LRP1B: variants seen among roughly 807,000 people sequenced by gnomAD.
LRP1B encodes the protein low-density lipoprotein receptor-related protein 1B.
Under a neutral mutation model 556.6 loss-of-function variants are expected in LRP1B, and 217 were observed. The ratio of observed to expected loss-of-function variants is 0.39; its 90% CI spans 0.35 to 0.44. The LOEUF is 0.44. LRP1B is among the 20% of genes least tolerant of loss of function. LRP1B has a pLI of 1.00. For missense variants in LRP1B, 5,053 were observed against 5,620.8 expected (o/e 0.90, Z 3.23); for synonymous variants, 2,047 against 1,865.8 (o/e 1.10, Z -2.50).
chr2:142,088,114 T>C (rs1706014893), intron 1 of LRP1B, among the ~76,000 whole-genome samples: 1 of 152,132 alleles, frequency 6.6e-6, no homozygotes, highest in Non-Finnish European at 1.5e-5. Flanking sequence ...ATATTTTATA[T>C]CTATATATCT....
intron 2 of LRP1B, among the ~76,000 whole-genome samples, chr2:141,585,764 G>C (rs1043956202): frequency 1.3e-5 from 2 of 151,986 alleles, no homozygotes. Flanking sequence ...CCAATATTTA[G>C]AACAAATAAC....
intron 41 of LRP1B, among the ~76,000 whole-genome samples, chr2:140,626,810 C>T (rs1032853413): frequency 1.3e-5 from 2 of 151,402 alleles, no homozygotes; most frequent in African/African-American, 4.8e-5. Context: ...ATAAAGATCT[C>T]CCACAAGTCA....
intron 7 of LRP1B, among the ~76,000 whole-genome samples, chr2:141,134,026 CTT>C (rs1701428396): frequency 6.6e-6 from 1 of 151,900 alleles, no homozygotes; most frequent in African/African-American, 2.4e-5. Context: ...ATCTCTTACT[CTT>C]TTATTTCCTT....
chr2:141,692,215 A>G (rs1384088492), intron 2 of LRP1B, among the ~76,000 whole-genome samples: 1 of 152,040 alleles, frequency 6.6e-6, no homozygotes, highest in Non-Finnish European at 1.5e-5. Flanking sequence ...ACTCCTCTAC[A>G]TAAAATCATT....
chr2:141,997,648 C>CATATATATAT (rs138886100), intron 1 of LRP1B, among the ~76,000 whole-genome samples: 30 of 139,174 alleles, frequency 2.2e-4, no homozygotes, highest in South Asian at 7.1e-4. Context: ...GCACCCAGCC[C>CATATATATAT]ATATATATAT....
intron 1 of LRP1B, among the ~76,000 whole-genome samples, chr2:142,079,261 A>G (rs1705623481): frequency 6.6e-6 from 1 of 152,166 alleles, no homozygotes; most frequent in Non-Finnish European, 1.5e-5. Context: ...CTTTATGGAT[A>G]TAATAATTAT....
chr2:142,108,098 C>A (rs922377391), intron 1 of LRP1B, among the ~76,000 whole-genome samples: 4 of 150,940 alleles, frequency 2.7e-5, no homozygotes, highest in African/African-American at 9.7e-5. Flanking sequence ...TTAATGGCTC[C>A]AAAAAGTTTC....
intron 1 of LRP1B, among the ~76,000 whole-genome samples, chr2:141,915,342 T>C (rs1170136618): frequency 6.6e-6 from 1 of 152,000 alleles, no homozygotes. Flanking sequence ...CAATACAGCA[T>C]ACAAAACACA....
intron 7 of LRP1B, among the ~76,000 whole-genome samples, chr2:141,070,565 A>G (rs1050480630): frequency 2.6e-5 from 4 of 152,234 alleles, no homozygotes; most frequent in African/African-American, 9.6e-5. Context: ...TGAATCCAGG[A>G]GCTGGTTTTT....
At chr2:141,033,194 G>A (rs191044508) in intron 11 of LRP1B, among the ~76,000 whole-genome samples, 10 of 151,934 alleles carry the variant, frequency 6.6e-5, no homozygotes, top group East Asian at 3.9e-4. Context: ...GAGTGTGCAC[G>A]AACAGTGGTG....
chr2:141,435,708 G>A (rs1357647808), intron 3 of LRP1B, among the ~76,000 whole-genome samples: 1 of 152,152 alleles, frequency 6.6e-6, no homozygotes, highest in East Asian at 1.9e-4. Flanking sequence ...GTCTCATTGT[G>A]GCACTTCTAT....
chr2:141,641,261 T>C (rs1264452980), intron 2 of LRP1B, among the ~76,000 whole-genome samples: 1 of 152,192 alleles, frequency 6.6e-6, no homozygotes, highest in Non-Finnish European at 1.5e-5. Flanking sequence ...ATTAAATGTA[T>C]TTACTGAGAT....
intron 2 of LRP1B, among the ~76,000 whole-genome samples, chr2:141,680,835 T>C (rs1210452632): frequency 1.3e-5 from 2 of 152,308 alleles, no homozygotes; most frequent in African/African-American, 4.8e-5. Flanking sequence ...AACTATTTTA[T>C]TATTAAAAAT....
chr2:141,868,726 T>G (rs982665371), intron 1 of LRP1B, among the ~76,000 whole-genome samples: 1 of 152,244 alleles, frequency 6.6e-6, no homozygotes, highest in Non-Finnish European at 1.5e-5. Flanking sequence ...TTCCCCCTTA[T>G]TTCTTAAAGC....
chr2:140,719,060 A>G (rs1367789645), intron 35 of LRP1B, among the ~76,000 whole-genome samples: 1 of 151,996 alleles, frequency 6.6e-6, no homozygotes, highest in African/African-American at 2.4e-5. Context: ...TTGTTTGTTG[A>G]GTGTCTCTTT....
intron 66 of LRP1B, among the ~76,000 whole-genome samples, chr2:140,434,150 A>G (rs2105288320): frequency 6.6e-6 from 1 of 151,858 alleles, no homozygotes; most frequent in East Asian, 1.9e-4. Flanking sequence ...GCTCACTGCA[A>G]CCTCCGCCTC....
chr2:141,211,253 G>C (rs1333963160), intron 6 of LRP1B, among the ~76,000 whole-genome samples: 1 of 150,928 alleles, frequency 6.6e-6, no homozygotes, highest in East Asian at 2.0e-4. Flanking sequence ...CTCCCAGAGT[G>C]CTGGGATTAT....
chr2:141,439,034 T>G (rs528297110), intron 3 of LRP1B, among the ~76,000 whole-genome samples: 1 of 152,296 alleles, frequency 6.6e-6, no homozygotes, highest in East Asian at 1.9e-4. Context: ...AAATTGGAAT[T>G]TACAATTTCA....
chr2:141,201,216 T>A, intron 6 of LRP1B, among the ~76,000 whole-genome samples: 1 of 152,180 alleles, frequency 6.6e-6, no homozygotes, highest in East Asian at 1.9e-4. Flanking sequence ...CTGGTGAGTC[T>A]GAATGAGTAA....
Sources: gnomAD v4.1 joint callset for allele counts (sites outside exome capture counted in the v4.1 genomes callset) on GRCh38, gnomAD v4.1.1 for gene constraint, MANE v1.5 for transcripts, NCBI Gene and HGNC (gene_info 2026-07-23, HGNC 2026-07-21) for gene names.